The following FAM78A variants were observed in gnomAD, a reference collection of about 807,000 sequenced individuals.
The protein encoded by FAM78A is family with sequence similarity 78 member A.
FAM78A carries 12 observed loss-of-function variants against 22.6 expected under a neutral mutation model. The observed-to-expected ratio is 0.53, with a 90% CI of 0.34 to 0.86. The LOEUF (loss-of-function observed/expected upper bound fraction) is 0.86. Among genes scored for constraint, FAM78A ranks in the 40% least tolerant of loss-of-function variants. The probability of loss-of-function intolerance (pLI) is 0.02; values close to 1 mark genes in which losing one functional copy is unlikely to be tolerated. For missense variants in FAM78A, 322 were observed against 396.1 expected (o/e 0.81, Z 1.59); for synonymous variants, 151 against 155.8 (o/e 0.97, Z 0.23).
In FAM78A at chr9:131,260,894, G is replaced by A. The variant is rs573768553; in HGVS notation, c.780C>T (p.Asn260=). ...GCCGCCACATGAGGACCTGGGCATC[G>A]TTGGCATTGGGCTTGACCAGGGCGC... is the stretch of plus-strand genomic sequence containing the variant. The part of the protein sequence containing the change: ...PPSALVKPNA[N]DAQVLMWRPK... The change falls in exon 2 of 2, where the codon AAC becomes AAT. Residue 260 remains asparagine (N), a synonymous_variant. Coordinates refer to ENST00000372271, the MANE Select transcript of FAM78A (RefSeq NM_033387.4). The surrounding 1 kb of genome is among the most constrained non-coding windows in gnomAD (Gnocchi z 5.4). 40 of 1,554,944 alleles carry A rather than the reference G, an allele frequency of 2.6e-5. No individual in the cohort carries two copies. Among genetic ancestry groups the A allele is most frequent in the South Asian group, 2.4e-4 (20 of 82,640 alleles).
rs1393752484 is a variant in FAM78A, at chr9:131,276,272, G to C, written c.-93C>G. On this transcript the variant is annotated 5_prime_UTR_variant, in exon 1 of 2. The change creates a premature stop within an existing upstream ORF in the 5' untranslated region. Transcript: ENST00000372271. This position sits in a 1 kb window ranked among gnomAD's most constrained non-coding sequence, Gnocchi z 4.3. ...ATATCCATAGGATAGAAAACTCACT[G>C]AGTAGACTGGGGTTGCATATATCAC... 11 of 1,051,240 alleles carry C rather than the reference G, an allele frequency of 1.0e-5. No individual in the cohort carries two copies. The highest frequency in any genetic ancestry group is 1.2e-5 in the Non-Finnish European group (9 of 727,726). 65.1% of individuals were successfully genotyped at this position (1,051,240 alleles called of 1,614,324 possible). A position where few individuals can be genotyped will look rare whatever the true frequency, so the allele number is the denominator to read the frequency against.
At position 131,274,206 on chromosome 9, in the gene FAM78A, C is replaced by T. The variant is rs1835453516; in HGVS notation, c.323+1651G>A. Among the ~76,000 whole-genome samples, 1 of 152,226 alleles carries T rather than the reference C, an allele frequency of 6.6e-6. No homozygotes were observed. ...CCTCCCCACCACACGTTGCACCAACCACATTAGCATCCAGTCCCGTGAGTG... is the reference window on the plus strand; with the variant it reads ...CCTCCCCACCACACGTTGCACCAACTACATTAGCATCCAGTCCCGTGAGTG... On this transcript the variant is annotated intron_variant, in intron 1 of 1. Transcript: ENST00000372271. The surrounding 1 kb of genome is among the most constrained non-coding windows in gnomAD (Gnocchi z 4.2).
In FAM78A at chr9:131,268,324, G is replaced by A. The variant is rs561005796; in HGVS notation, c.324-6974C>T. Among the ~76,000 whole-genome samples the A allele has an allele frequency of 6.4e-4, 80 of 124,810 alleles. 1 individual carries two copies. Among genetic ancestry groups the A allele is most frequent in the African/African-American group, 1.7e-3 (55 of 32,386 alleles). The allele number at this position is 124,810 out of a possible 152,430, so 81.9% of individuals were successfully genotyped here. On this transcript the variant is annotated intron_variant, in intron 1 of 1. Coordinates refer to ENST00000372271, the MANE Select transcript of FAM78A (RefSeq NM_033387.4). ...ATCCTGGGTTCCTGACATCCCCCCC[G>A]CACTGCCGCCCCCCTGGGCTGTCCC...
At chr9:131,273,128 A>G (rs1409678195) in intron 1 of FAM78A, among the ~76,000 whole-genome samples, 1 of 152,130 alleles carries the variant, frequency 6.6e-6, no homozygotes, top group Non-Finnish European at 1.5e-5. Flanking sequence ...TCTGTTGATT[A>G]CTACCAAGTA....
intron 1 of FAM78A, chr9:131,264,602 GCAGT>G: frequency 1.4e-6 from 1 of 717,330 alleles, no homozygotes; most frequent in South Asian, 1.5e-5. Context: ...GCAGCCAACA[GCAGT>G]CAGTGGAAGC....
chr9:131,280,762 GA>G (rs551050302), upstream of FAM78A, among the ~76,000 whole-genome samples: 717 of 152,340 alleles, frequency 4.7e-3, 10 homozygotes, highest in African/African-American at 0.017. Context: ...GAAGTCTTTG[GA>G]AAAGAGACTG....
upstream of FAM78A, among the ~76,000 whole-genome samples, chr9:131,278,203 A>C (rs1421098392): frequency 6.6e-6 from 1 of 151,954 alleles, no homozygotes; most frequent in Non-Finnish European, 1.5e-5. Flanking sequence ...CTCTCCTTGA[A>C]CAAACGACAT....
intron 1 of FAM78A, chr9:131,264,386 G>C (rs759067406): frequency 1.0e-4 from 58 of 560,636 alleles, no homozygotes; most frequent in Non-Finnish European, 1.8e-4. Context: ...GGGCCAAATC[G>C]TCACCAGGCT....
In FAM78A at chr9:131,265,561, T is replaced by A. The variant is rs1278248368; in HGVS notation, c.324-4211A>T. 1.3e-5 allele frequency among the ~76,000 whole-genome samples: 2 copies of A among 151,848 alleles called. No individual in the cohort carries two copies. Among genetic ancestry groups the A allele is most frequent in the East Asian group, 3.9e-4 (2 of 5,164 alleles). ...ACCATGCCCGGCCTAATTTTTATAT[T>A]TTTTTAGTAGAGACGGAGTTTCACC... On this transcript the variant is annotated intron_variant, in intron 1 of 1. Coordinates refer to ENST00000372271, the MANE Select transcript of FAM78A (RefSeq NM_033387.4). The surrounding 1 kb of genome is among the most constrained non-coding windows in gnomAD (Gnocchi z 4.3).
upstream of FAM78A, among the ~76,000 whole-genome samples, chr9:131,277,557 G>A (rs1442876084): frequency 6.6e-6 from 1 of 151,714 alleles, no homozygotes; most frequent in Non-Finnish European, 1.5e-5. The surrounding 1 kb of genome is among the most constrained non-coding windows in gnomAD (Gnocchi z 8.4). Flanking sequence ...CCTGCCCCGG[G>A]GGCCACTCCG....
intron 1 of FAM78A, among the ~76,000 whole-genome samples, chr9:131,270,047 A>AT (rs1026944330): frequency 7.3e-5 from 11 of 150,042 alleles, no homozygotes; most frequent in African/African-American, 2.4e-4. Context: ...TAAAAAAAAA[A>AT]AAAAAAAAAA....
At position 131,261,801 on chromosome 9, in the gene FAM78A, G is replaced by A. The variant is rs960656241; in HGVS notation, c.324-451C>T. On this transcript the variant is annotated intron_variant, in intron 1 of 1. Coordinates refer to ENST00000372271, the MANE Select transcript of FAM78A (RefSeq NM_033387.4). The surrounding 1 kb of genome is among the most constrained non-coding windows in gnomAD (Gnocchi z 7.1). ...TTTTCCTAAGGACATTTGGCCAAGC[G>A]GTGGGGCCTGGGACCCCGGCGCATT... Among the ~76,000 whole-genome samples, 12 of 152,304 alleles carry A rather than the reference G, an allele frequency of 7.9e-5. No homozygotes were observed. The highest frequency in any genetic ancestry group is 1.7e-4 in the African/African-American group (7 of 41,548).
chr9:131,262,294 A>T (rs1204298766), intron 1 of FAM78A, among the ~76,000 whole-genome samples: 1 of 146,192 alleles, frequency 6.8e-6, no homozygotes, highest in Non-Finnish European at 1.5e-5. Flanking sequence ...TGGGCGACAG[A>T]GTGAGACTCT....
Position 131,270,044 on chromosome 9 carries a change from A to AT in FAM78A, c.323+5812_323+5813insA, listed in dbSNP as rs1337932254. Among the ~76,000 whole-genome samples, 542 of 149,536 alleles carry AT rather than the reference A, an allele frequency of 3.6e-3. 4 individuals are homozygous for AT. The highest frequency in any genetic ancestry group is 0.012 in the African/African-American group (488 of 40,950). On this transcript the variant is annotated intron_variant, in intron 1 of 1. Transcript: ENST00000372271. ...ACCCCATCCCTACTAAAATAAAAAA[A>AT]AAAAAAAAAAAAAAAGCCAGGTGTG...
rs146538039 is a variant in FAM78A, at chr9:131,269,536, G to T, written c.323+6321C>A. The stretch of plus-strand genomic sequence containing the variant: ...CTGTTGCCTAGGCTGGAGTGCAGTG[G>T]CGTGATCTCGGCTCACGGTAACCTC... On this transcript the variant is annotated intron_variant, in intron 1 of 1. Coordinates refer to ENST00000372271, the MANE Select transcript of FAM78A (RefSeq NM_033387.4). Among the ~76,000 whole-genome samples the T allele has an allele frequency of 8.1e-3, 1,233 of 152,040 alleles. 23 individuals are homozygous for T. The highest frequency in any genetic ancestry group is 0.028 in the African/African-American group (1,163 of 41,428).
rs919995675 is a variant in FAM78A, at chr9:131,265,138, T to C, written c.324-3788A>G. On this transcript the variant is annotated intron_variant, in intron 1 of 1. Transcript: ENST00000372271. The surrounding 1 kb of genome is among the most constrained non-coding windows in gnomAD (Gnocchi z 4.3). ...GATTTTATTGGTATTTTTCTTCTGT[T>C]TCTTCTTGGTACTTATTGGGGATTT... Among the ~76,000 whole-genome samples the C allele has an allele frequency of 6.6e-6, 1 of 152,246 alleles. No homozygotes were observed. Among genetic ancestry groups the C allele is most frequent in the African/African-American group, 2.4e-5 (1 of 41,464 alleles).
chr9:131,266,067 G>C (rs34303277), intron 1 of FAM78A, among the ~76,000 whole-genome samples: 3 of 152,134 alleles, frequency 2.0e-5, no homozygotes, highest in Admixed American at 2.0e-4. Flanking sequence ...TGGCAACGGG[G>C]AGGCCTGTGT....
chr9:131,268,439 C>T (rs1159864696), intron 1 of FAM78A, among the ~76,000 whole-genome samples: 1 of 152,134 alleles, frequency 6.6e-6, no homozygotes, highest in Non-Finnish European at 1.5e-5. Context: ...TCGCCTCCCA[C>T]AGGGCCTGCC....
chr9:131,265,210 G>T lies in FAM78A; in HGVS notation c.324-3860C>A, dbSNP rs7020679. On this transcript the variant is annotated intron_variant, in intron 1 of 1. Transcript: ENST00000372271. This position sits in a 1 kb window ranked among gnomAD's most constrained non-coding sequence, Gnocchi z 4.3. ...TTAGTAGTTGTCCTTGAAATTTTCCGATTATTTTTAACTTAAAAGTCTAAA... is the reference window on the plus strand; with the variant it reads ...TTAGTAGTTGTCCTTGAAATTTTCCTATTATTTTTAACTTAAAAGTCTAAA... Among the ~76,000 whole-genome samples, 3 of 151,978 alleles carry T rather than the reference G, an allele frequency of 2.0e-5. No individual in the cohort carries two copies. Among genetic ancestry groups the T allele is most frequent in the Non-Finnish European group, 2.9e-5 (2 of 68,014 alleles).
Sources: allele counts gnomAD v4.1 joint callset (sites outside exome capture counted in the v4.1 genomes callset), GRCh38; gene constraint gnomAD v4.1.1; non-coding constraint Gnocchi (gnomAD v3.1); transcripts MANE v1.5; gene names NCBI Gene and HGNC (gene_info 2026-07-23, HGNC 2026-07-21).